DACH2: variants seen among roughly 807,000 people sequenced by gnomAD.
DACH2 encodes dachshund family transcription factor 2, also known as dachshund homolog 2.
Under a neutral mutation model 35.8 loss-of-function variants are expected in DACH2, and 17 were observed. That is an observed-to-expected ratio of 0.48 (90% CI 0.33 to 0.71). The LOEUF is 0.71. Ranked by LOEUF, DACH2 falls within the 30% of genes least tolerant of loss-of-function variation. The pLI is 0.02. For missense variants in DACH2, 469 were observed against 472.7 expected (o/e 0.99, Z 0.07); for synonymous variants, 195 against 177.3 (o/e 1.10, Z -0.79).
chrX:86,160,349 A>C, intron 1 of DACH2: 1 of 896,756 alleles, frequency 1.1e-6, no homozygotes, highest in Non-Finnish European at 1.6e-6. Flanking sequence ...ACAAACACCA[A>C]AGTGACCCAG....
intron 2 of DACH2, among the ~76,000 whole-genome samples, chrX:86,394,688 T>A (rs1361962329): frequency 2.7e-5 from 3 of 111,970 alleles, no homozygotes; most frequent in African/African-American, 9.7e-5. Context: ...TAAAGATTTT[T>A]AAAAATGAAA....
chrX:86,284,347 A>G (rs765578553), intron 1 of DACH2, among the ~76,000 whole-genome samples: 7 of 111,788 alleles, frequency 6.3e-5, no homozygotes, highest in Non-Finnish European at 1.1e-4. Context: ...TGAAATGATC[A>G]TATGGTTGTT....
chrX:86,362,827 C>T (rs2035756819), intron 1 of DACH2, among the ~76,000 whole-genome samples: 1 of 110,662 alleles, frequency 9.0e-6, no homozygotes, highest in African/African-American at 3.3e-5. Context: ...TTTTCGGTAC[C>T]GGTACCATAT....
At chrX:86,371,559 G>C (rs1465346238) in intron 1 of DACH2, among the ~76,000 whole-genome samples, 2 of 110,387 alleles carry the variant, frequency 1.8e-5, no homozygotes, top group African/African-American at 6.6e-5. Flanking sequence ...GAAATATACA[G>C]GCTATTAAAT....
intron 1 of DACH2, among the ~76,000 whole-genome samples, chrX:86,376,122 TG>T (rs752719895): frequency 2.8e-4 from 30 of 106,387 alleles, no homozygotes; most frequent in African/African-American, 1.0e-3. Flanking sequence ...TTCTTTTGTG[TG>T]GATGTATGTA....
At chrX:86,368,379 C>T (rs2035836332) in intron 1 of DACH2, among the ~76,000 whole-genome samples, 1 of 110,678 alleles carries the variant, frequency 9.0e-6, no homozygotes, top group Non-Finnish European at 1.9e-5. Flanking sequence ...AGCACAGAGC[C>T]TTTTGTACAT....
intron 4 of DACH2, among the ~76,000 whole-genome samples, chrX:86,661,593 C>A (rs1441271732): frequency 8.9e-6 from 1 of 111,963 alleles, no homozygotes; most frequent in Non-Finnish European, 1.9e-5. Context: ...CTGTTCATGG[C>A]CATTTGGGTT....
intron 2 of DACH2, among the ~76,000 whole-genome samples, chrX:86,458,944 A>G (rs1207053132): frequency 1.8e-5 from 2 of 110,638 alleles, no homozygotes; most frequent in African/African-American, 6.6e-5. Flanking sequence ...GGTGCAGCAA[A>G]CCACCAGGGC....
At chrX:86,430,673 G>A (rs1049565563) in intron 2 of DACH2, among the ~76,000 whole-genome samples, 4 of 111,791 alleles carry the variant, frequency 3.6e-5, no homozygotes, top group Admixed American at 9.5e-5. Context: ...GCCTATTATC[G>A]TACTGGTCAT....
intron 1 of DACH2, among the ~76,000 whole-genome samples, chrX:86,231,679 A>G (rs2032951667): frequency 8.9e-6 from 1 of 112,155 alleles, no homozygotes; most frequent in Admixed American, 9.4e-5. Flanking sequence ...GCTGTGAGAG[A>G]AAAGGGCTTT....
chrX:86,395,465 C>T (rs913143788), intron 2 of DACH2, among the ~76,000 whole-genome samples: 24 of 110,514 alleles, frequency 2.2e-4, no homozygotes, highest in Admixed American at 8.7e-4. Flanking sequence ...CATACATGTG[C>T]GATGTTGGTG....
At chrX:86,512,013 A>T (rs772668941) in intron 2 of DACH2, among the ~76,000 whole-genome samples, 1 of 112,289 alleles carries the variant, frequency 8.9e-6, no homozygotes, top group Non-Finnish European at 1.9e-5. Flanking sequence ...GCAGTGAAAG[A>T]TTGTTTCCTA....
intron 2 of DACH2, among the ~76,000 whole-genome samples, chrX:86,432,651 C>T (rs938922856): frequency 8.9e-6 from 1 of 111,889 alleles, no homozygotes; most frequent in Non-Finnish European, 1.9e-5. Flanking sequence ...AATGATGCAT[C>T]TCCTTTATAG....
At chrX:86,655,029 T>C (rs149975726) in intron 4 of DACH2, among the ~76,000 whole-genome samples, 241 of 111,840 alleles carry the variant, frequency 2.2e-3, no homozygotes, top group African/African-American at 7.2e-3. Flanking sequence ...TCTCACCATA[T>C]AAACTGAGAC....
At chrX:86,671,358 T>C (rs1602766733) in intron 4 of DACH2, among the ~76,000 whole-genome samples, 3 of 112,255 alleles carry the variant, frequency 2.7e-5, no homozygotes, top group Admixed American at 9.4e-5. Flanking sequence ...AAAAGTGTTA[T>C]AGAGGCTGGT....
At chrX:86,607,371 G>C (rs768186396) in intron 3 of DACH2, among the ~76,000 whole-genome samples, 87 of 110,493 alleles carry the variant, frequency 7.9e-4, no homozygotes, top group Non-Finnish European at 1.3e-3. Context: ...TTTTTGGTTT[G>C]AGTTTACCAT....
chrX:86,174,616 T>A (rs980064270), intron 1 of DACH2, among the ~76,000 whole-genome samples: 1 of 111,893 alleles, frequency 8.9e-6, no homozygotes, highest in Admixed American at 9.5e-5. Context: ...CTTTATGGGA[T>A]CAGTATGCAA....
At chrX:86,623,729 G>C (rs2040095042) in intron 3 of DACH2, among the ~76,000 whole-genome samples, 1 of 111,443 alleles carries the variant, frequency 9.0e-6, no homozygotes, top group African/African-American at 3.3e-5. Flanking sequence ...TCTTCAAGTA[G>C]TCTAGCTGAG....
chrX:86,741,287 T>C (rs1394501236), intron 7 of DACH2, among the ~76,000 whole-genome samples: 1 of 111,603 alleles, frequency 9.0e-6, no homozygotes, highest in Non-Finnish European at 1.9e-5. Flanking sequence ...ATTATATGTT[T>C]TTTGGAGCCC....
Sources: allele counts gnomAD v4.1 joint callset (sites outside exome capture counted in the v4.1 genomes callset), GRCh38; gene constraint gnomAD v4.1.1; transcripts MANE v1.5; gene names NCBI Gene and HGNC (gene_info 2026-07-23, HGNC 2026-07-21).